The following WDR1 variants were observed in gnomAD, a reference collection of about 807,000 sequenced individuals.
WDR1 encodes WD repeat domain 1.
A neutral mutation model predicts 71.9 loss-of-function variants in WDR1; 21 were observed. The ratio of observed to expected loss-of-function variants is 0.29; its 90% CI spans 0.21 to 0.42. The LOEUF (loss-of-function observed/expected upper bound fraction) is 0.42, where lower values mean the gene tolerates loss of function less well. Ranked by LOEUF, WDR1 falls within the 10% of genes least tolerant of loss-of-function variation. WDR1 has a pLI of 1.00. For missense variants in WDR1, 696 were observed against 824.5 expected, an observed-to-expected ratio of 0.84 and a Z score of 1.91; for synonymous variants, 424 against 347.4, an observed-to-expected ratio of 1.22 and a Z score of -2.45.
intron 2 of WDR1, among the ~76,000 whole-genome samples, chr4:10,113,854 T>C (rs1713542325): frequency 6.6e-6 from 1 of 152,232 alleles, no homozygotes; most frequent in East Asian, 1.9e-4. Flanking sequence ...GGAACGGTGT[T>C]CCCTTTTAGG....
rs1712527069 is a variant in WDR1, at chr4:10,099,024, C to T, written c.345G>A (p.Lys115=). Residue 115 remains lysine, a synonymous_variant, in exon 4 of 15, where the codon AAG becomes AAA. Transcript: ENST00000499869. Reference sequence around the variant, plus strand: ...TTCCTTCCCCGACCACGGCGATCCTCTTACTGTCTTCAGTCCAAGCAATGT... The same window carrying T: ...TTCCTTCCCCGACCACGGCGATCCTTTTACTGTCTTCAGTCCAAGCAATGT... ...IKDIAWTEDS[K]RIAVVGEGRE... The T allele has an allele frequency of 6.8e-6, 11 of 1,614,052 alleles. No homozygotes were observed. Among genetic ancestry groups the T allele is most frequent in the Non-Finnish European group, 9.3e-6 (11 of 1,179,898 alleles).
At chr4:10,085,081 C>T (rs994809551) in intron 8 of WDR1, among the ~76,000 whole-genome samples, 32 of 152,364 alleles carry the variant, frequency 2.1e-4, no homozygotes, top group African/African-American at 7.0e-4. Context: ...ACCTCCCTGA[C>T]TGCTGCAGTG....
intron 14 of WDR1, chr4:10,076,892 C>G (rs1560525763): frequency 5.6e-6 from 1 of 178,488 alleles, no homozygotes; most frequent in Non-Finnish European, 1.2e-5. Flanking sequence ...TAAATAAAAC[C>G]TACTGTTACA....
intron 11 of WDR1, among the ~76,000 whole-genome samples, chr4:10,080,559 G>C (rs1764973561): frequency 6.6e-6 from 1 of 152,230 alleles, no homozygotes; most frequent in Admixed American, 6.5e-5. Flanking sequence ...GGCAAAGGAG[G>C]GCCAGAGGGT....
At chr4:10,098,948 A>C (rs1272200760) in intron 4 of WDR1, 44 bp downstream of exon 4, 1 of 1,612,186 alleles carries the variant, frequency 6.2e-7, no homozygotes, top group African/African-American at 1.3e-5. Context: ...TGGACGCATG[A>C]GCCACAGCAA....
At chr4:10,111,265 C>G (rs1362802679) in intron 2 of WDR1, among the ~76,000 whole-genome samples, 1 of 152,202 alleles carries the variant, frequency 6.6e-6, no homozygotes, top group African/African-American at 2.4e-5. Context: ...GTCCACTCCC[C>G]TCACGCTCAG....
chr4:10,087,845 T>A lies in WDR1; in HGVS notation c.813A>T (p.Thr271=), dbSNP rs753011623. 5 of 1,576,968 alleles carry A rather than the reference T, an allele frequency of 3.2e-6. No homozygotes were observed. In the East Asian group the frequency reaches 7.0e-5, roughly 22 times the overall value. ...CCAGAACCGTGGAGCCCATGGGAAA[T>A]GTGCTGACCACGGAGTTCACGCTGA... ...WDVSVNSVVS[T]FPMGSTVLDQ... The change falls in exon 8 of 15, where the codon ACA becomes ACT. Residue 271 remains threonine, a synonymous_variant. Coordinates refer to ENST00000499869, the MANE Select transcript of WDR1 (RefSeq NM_017491.5).
At chr4:10,091,868 A>G in intron 5 of WDR1, 1 of 152,786 alleles carries the variant, frequency 6.5e-6, no homozygotes, top group Non-Finnish European at 1.5e-5. Context: ...GAGCTGCAGG[A>G]AGGAGCCGGC....
At chr4:10,101,917 G>A (rs951873294) in intron 3 of WDR1, among the ~76,000 whole-genome samples, 2 of 152,204 alleles carry the variant, frequency 1.3e-5, no homozygotes, top group African/African-American at 4.8e-5. Context: ...GCAGGGCTTG[G>A]GGAAAAAATA....
chr4:10,097,161 G>A (rs544075061), intron 5 of WDR1, among the ~76,000 whole-genome samples: 23 of 152,390 alleles, frequency 1.5e-4, no homozygotes, highest in Admixed American at 1.1e-3. Context: ...AAGGCGGGGC[G>A]CATGCACGGC....
rs774700031 is a variant in WDR1, at chr4:10,087,689, C to T, written c.951+18G>A. 1.0e-5 allele frequency: 16 copies of T among 1,564,266 alleles called. No homozygotes were observed. The highest frequency in any genetic ancestry group is 3.6e-4 in the Middle Eastern group (2 of 5,530). ...CTGTCCACCCAGCGGGCAGAGCCTTCCCCAGGGCAGGCCTTACCTTGATGA... is the reference window on the plus strand; with the variant it reads ...CTGTCCACCCAGCGGGCAGAGCCTTTCCCAGGGCAGGCCTTACCTTGATGA... On this transcript the variant is annotated intron_variant, in intron 8 of 14. Transcript: ENST00000499869.
In WDR1 at chr4:10,081,354, T is replaced by C. The variant is rs1024850906; in HGVS notation, c.1284+3A>G. The C allele has an allele frequency of 1.2e-6, 2 of 1,613,654 alleles. No homozygotes were observed. The highest frequency in any genetic ancestry group is 1.7e-6 in the Non-Finnish European group (2 of 1,179,680). ...CCACCCAAACACTAAGCCAGGTCCC[T>C]ACCTGTCCAATGCACACGACCACGG... On this transcript the variant is annotated splice_donor_region_variant and intron_variant, in intron 11 of 14. Transcript: ENST00000499869.
chr4:10,106,265 C>G (rs1713009753), intron 2 of WDR1, among the ~76,000 whole-genome samples: 1 of 152,202 alleles, frequency 6.6e-6, no homozygotes, highest in South Asian at 2.1e-4. Flanking sequence ...CTCAATAAAA[C>G]TAAGATGCTG....
At chr4:10,089,587 G>A (rs954102972) in intron 5 of WDR1, among the ~76,000 whole-genome samples, 1 of 152,212 alleles carries the variant, frequency 6.6e-6, no homozygotes, top group African/African-American at 2.4e-5. Context: ...ATAAGCAGTT[G>A]TAAAGCTGCC....
chr4:10,099,867 G>C (rs1385451211), intron 3 of WDR1, among the ~76,000 whole-genome samples: 2 of 152,214 alleles, frequency 1.3e-5, no homozygotes, highest in Non-Finnish European at 2.9e-5. Flanking sequence ...ATTACACACA[G>C]AACTCGATGC....
Position 10,116,127 on chromosome 4 carries a change from G to T in WDR1, c.124C>A (p.Leu42Ile), listed in dbSNP as rs1424090067. Residue 42 changes from leucine (L) to isoleucine (I), a missense_variant, in exon 2 of 15, where the codon CTA (leucine) becomes ATA (isoleucine). By Grantham distance (5) the Leu-to-Ile change is conservative (BLOSUM62 2). Transcript: ENST00000499869. ...FLYTNGKCVI[L>I]RNIDNPALAD... ...GGGGTACTCACGTCGATGTTCCTTA[G>T]GATGACGCACTTTCCATTGGTGTAC... The T allele has an allele frequency of 6.2e-7, 1 of 1,613,646 alleles. No homozygotes were observed. The highest frequency in any genetic ancestry group is 1.7e-5 in the Admixed American group (1 of 60,006).
rs374675375 is a variant in WDR1 at position 10,084,501 on chromosome 4, C to T, written c.981G>A (p.Thr327=). 7.2e-5 allele frequency: 116 copies of T among 1,613,778 alleles called. No homozygotes were observed. The highest frequency in any genetic ancestry group is 9.1e-5 in the Non-Finnish European group (107 of 1,179,830). The change falls in exon 9 of 15, where the codon ACG becomes ACA. Residue 327 remains threonine, a synonymous_variant. Transcript: ENST00000499869. ...KGHSKSIQCL[T]VHKNGGKSYI... ...AGGACTTGCCGCCGTTTTTATGCAC[C>T]GTCAGACACTGGATCGATTTACTGT...
intron 2 of WDR1, among the ~76,000 whole-genome samples, chr4:10,108,007 T>G (rs1248094140): frequency 6.6e-6 from 1 of 152,170 alleles, no homozygotes; most frequent in African/African-American, 2.4e-5. Context: ...TGCCCAGGAA[T>G]AGCTGGTCTT....
chr4:10,075,884 A>G (rs1404518288), intron 14 of WDR1: 1 of 203,118 alleles, frequency 4.9e-6, no homozygotes, highest in Non-Finnish European at 1.0e-5. Context: ...AAAATGGGGC[A>G]GGCATGACAA....
Sources: gnomAD v4.1 joint callset for allele counts (sites outside exome capture counted in the v4.1 genomes callset) on GRCh38, gnomAD v4.1.1 for gene constraint, MANE v1.5 for transcripts, NCBI Gene and HGNC (gene_info 2026-07-23, HGNC 2026-07-21) for gene names.